Variants in ZSCAN23 observed in about 807,000 individuals in gnomAD.
ZSCAN23 encodes zinc finger and SCAN domain-containing protein 23.
A neutral mutation model predicts 19.3 loss-of-function variants in ZSCAN23; 19 were observed. That is an observed-to-expected ratio of 0.99 (90% CI 0.69 to 1.45). The LOEUF (loss-of-function observed/expected upper bound fraction) is 1.45. Among genes scored for constraint, ZSCAN23 ranks in the 40% most tolerant of loss-of-function variants. The probability of loss-of-function intolerance (pLI) is 0.00; values close to 1 mark genes in which losing one functional copy is unlikely to be tolerated. For synonymous variants in ZSCAN23, 140 were observed against 166.2 expected (o/e 0.84, Z 1.21); for missense variants, 372 against 462.5 (o/e 0.80, Z 1.79).
intron 1 of ZSCAN23, among the ~76,000 whole-genome samples, chr6:28,438,851 C>T (rs554422481): frequency 6.6e-6 from 1 of 152,300 alleles, no homozygotes; most frequent in East Asian, 1.9e-4. Context: ...ATTTAAATTA[C>T]AAGTGAACAC....
chr6:28,435,306 C>T (rs1761855051), intron 3 of ZSCAN23, among the ~76,000 whole-genome samples, 154 bp downstream of exon 3: 2 of 152,190 alleles, frequency 1.3e-5, no homozygotes, highest in South Asian at 2.1e-4. Flanking sequence ...AGACTGTAAA[C>T]TTCGTGAGAG....
downstream of ZSCAN23, among the ~76,000 whole-genome samples, chr6:28,427,546 T>A (rs1228571046): frequency 2.0e-5 from 3 of 152,208 alleles, no homozygotes; most frequent in Non-Finnish European, 2.9e-5. Context: ...CTGTATTGAA[T>A]ATTGTAGGCA....
At chr6:28,422,416 T>C in the ZSCAN23 span, among the ~76,000 whole-genome samples, 2 of 152,172 alleles carry the variant, frequency 1.3e-5, no homozygotes, top group Non-Finnish European at 2.9e-5. The surrounding 1 kb of genome is among the most constrained non-coding windows in gnomAD (Gnocchi z 4.0). Flanking sequence ...AATGTAATAT[T>C]AAACTAAAAA....
chr6:28,428,219 G>C (rs77769285), downstream of ZSCAN23, among the ~76,000 whole-genome samples: 1 of 152,142 alleles, frequency 6.6e-6, no homozygotes, highest in Non-Finnish European at 1.5e-5. Context: ...TTTCTTTGGA[G>C]CTCCAGGCCC....
the ZSCAN23 span, among the ~76,000 whole-genome samples, chr6:28,422,242 A>G: frequency 6.6e-6 from 1 of 152,080 alleles, no homozygotes; most frequent in African/African-American, 2.4e-5. This position sits in a 1 kb window ranked among gnomAD's most constrained non-coding sequence, Gnocchi z 4.0. Flanking sequence ...AGAAAAAAAG[A>G]AAAAGAAAAG....
chr6:28,438,225 T>C (rs1399409102), intron 1 of ZSCAN23, among the ~76,000 whole-genome samples: 1 of 152,002 alleles, frequency 6.6e-6, no homozygotes, highest in Non-Finnish European at 1.5e-5. Flanking sequence ...GCCTCCTGAG[T>C]AGCTGGTATT....
At chr6:28,422,844 T>G in the ZSCAN23 span, among the ~76,000 whole-genome samples, 1 of 152,202 alleles carries the variant, frequency 6.6e-6, no homozygotes, top group African/African-American at 2.4e-5. The surrounding 1 kb of genome is among the most constrained non-coding windows in gnomAD (Gnocchi z 4.0). Flanking sequence ...GAGATTTTAG[T>G]GACAAGGTTC....
the ZSCAN23 span, among the ~76,000 whole-genome samples, chr6:28,421,651 T>G: frequency 6.6e-6 from 1 of 152,270 alleles, no homozygotes; most frequent in African/African-American, 2.4e-5. Flanking sequence ...TTACTACAAT[T>G]TACAGAAAAT....
chr6:28,435,018 A>G lies in ZSCAN23; in HGVS notation c.617T>C (p.Val206Ala), dbSNP rs1275122836. ...LAPKREISQE[V>A]KSLIQVLGKQ... Reference sequence around the variant, plus strand: ...TCCAAGAACTTGTATAAGAGATTTCACTTCCTGAGAAATCTCCCTCTTTGG... The same window carrying G: ...TCCAAGAACTTGTATAAGAGATTTCGCTTCCTGAGAAATCTCCCTCTTTGG... The change falls in exon 4 of 4, where the codon GTG (valine) becomes GCG (alanine). Residue 206 changes from valine (V) to alanine (A), a missense_variant. Transcript: ENST00000289788. 1 of 1,551,152 alleles carries G rather than the reference A, an allele frequency of 6.4e-7. No homozygotes were observed. Among genetic ancestry groups the G allele is most frequent in the Admixed American group, 2.0e-5 (1 of 50,984 alleles).
intron 2 of ZSCAN23, 79 bp downstream of exon 2, chr6:28,435,780 C>T (rs1561978203): frequency 2.1e-6 from 3 of 1,454,570 alleles, no homozygotes; most frequent in South Asian, 3.0e-5. Context: ...AAAAATCCTC[C>T]TCCTCTACCT....
chr6:28,434,813 C>T lies in ZSCAN23; in HGVS notation c.822G>A (p.Glu274=). 1 of 1,597,752 alleles carries T rather than the reference C, an allele frequency of 6.3e-7. No individual in the cohort carries two copies. The highest frequency in any genetic ancestry group is 1.3e-5 in the African/African-American group (1 of 74,648). ...CACACTCATCACATTCATAAGGCTTCTCACCTGTGTGTGTTCTCTGGTGCT... is the reference window on the plus strand; with the variant it reads ...CACACTCATCACATTCATAAGGCTTTTCACCTGTGTGTGTTCTCTGGTGCT... ...LIEHQRTHTG[E]KPYECDECGR... The change falls in exon 4 of 4, where the codon GAG becomes GAA. Residue 274 remains glutamate (E), a synonymous_variant. Transcript: ENST00000289788.
chr6:28,441,026 G>A (rs1284977456), intron 1 of ZSCAN23, among the ~76,000 whole-genome samples: 1 of 152,074 alleles, frequency 6.6e-6, no homozygotes. Context: ...GTATATGCCA[G>A]GTATATAATT....
downstream of ZSCAN23, among the ~76,000 whole-genome samples, chr6:28,427,370 C>T (rs750118690): frequency 1.3e-5 from 2 of 152,160 alleles, no homozygotes; most frequent in Non-Finnish European, 2.9e-5. Context: ...TTATGCATTG[C>T]TTAATCACAT....
At chr6:28,440,052 G>A (rs1296415894) in intron 1 of ZSCAN23, among the ~76,000 whole-genome samples, 2 of 152,232 alleles carry the variant, frequency 1.3e-5, no homozygotes, top group African/African-American at 4.8e-5. Flanking sequence ...GGAAGGCCTT[G>A]ATAAGGTAAT....
At position 28,443,490 on chromosome 6, in the gene ZSCAN23, A is replaced by C. The variant is rs1000614825; in HGVS notation, c.-169T>G. 6.6e-6 allele frequency: 1 copy of C among 152,278 alleles called. No individual in the cohort carries two copies. Among genetic ancestry groups the C allele is most frequent in the Non-Finnish European group, 1.5e-5 (1 of 68,064 alleles). The allele number at this position is 152,278 out of a possible 1,614,324, so 9.4% of individuals were successfully genotyped here. On this transcript the variant is annotated 5_prime_UTR_variant, in exon 1 of 4. Transcript: ENST00000289788. Reference sequence around the variant, plus strand: ...CAGCCCAAAGAATGATAAACTACAAAGGCCGGAAATGCGTCACCGCGGCCC... The same window carrying C: ...CAGCCCAAAGAATGATAAACTACAACGGCCGGAAATGCGTCACCGCGGCCC...
Position 28,433,471 on chromosome 6 carries a change from T to A in ZSCAN23, c.*994A>T, listed in dbSNP as rs1761801709. ...TATTTGGGTGTATTCCAAACCAGATTGTTTTCACCATAGGTTTTCCATTTC... is the reference window on the plus strand; with the variant it reads ...TATTTGGGTGTATTCCAAACCAGATAGTTTTCACCATAGGTTTTCCATTTC... On this transcript the variant is annotated 3_prime_UTR_variant, in exon 4 of 4. Coordinates refer to ENST00000289788, the MANE Select transcript of ZSCAN23 (RefSeq NM_001012455.2). The A allele has an allele frequency of 6.6e-6, 1 of 152,178 alleles. No homozygotes were observed. The highest frequency in any genetic ancestry group is 6.5e-5 in the Admixed American group (1 of 15,286). 9.4% of individuals were successfully genotyped at this position (152,178 alleles called of 1,614,324 possible). A position where few individuals can be genotyped will look rare whatever the true frequency, so the allele number is the denominator to read the frequency against.
At chr6:28,425,245 T>C in the ZSCAN23 span, among the ~76,000 whole-genome samples, 1 of 152,242 alleles carries the variant, frequency 6.6e-6, no homozygotes, top group Admixed American at 6.5e-5. Flanking sequence ...TAAACCATGC[T>C]GTAAATAAAT....
chr6:28,439,536 T>C (rs926975112), intron 1 of ZSCAN23, among the ~76,000 whole-genome samples: 1 of 152,210 alleles, frequency 6.6e-6, no homozygotes, highest in African/African-American at 2.4e-5. Flanking sequence ...CCATATTCCA[T>C]GTACTGTTCT....
At chr6:28,426,888 G>A in the ZSCAN23 span, among the ~76,000 whole-genome samples, 6 of 152,286 alleles carry the variant, frequency 3.9e-5, no homozygotes, top group South Asian at 1.0e-3. Flanking sequence ...TCGGCTCACT[G>A]CAGCCTCTGC....
Sources: allele counts gnomAD v4.1 joint callset (sites outside exome capture counted in the v4.1 genomes callset), GRCh38; gene constraint gnomAD v4.1.1; non-coding constraint Gnocchi (gnomAD v3.1); transcripts MANE v1.5; gene names NCBI Gene and HGNC (gene_info 2026-07-23, HGNC 2026-07-21).